Variants in AK9 observed in about 807,000 individuals in gnomAD.
AK9 encodes adenylate kinase domain containing 1.
A neutral mutation model predicts 239.6 loss-of-function variants in AK9; 191 were observed. That is an observed-to-expected ratio of 0.80 (90% CI 0.71 to 0.90). The LOEUF (loss-of-function observed/expected upper bound fraction) is 0.90. Among genes scored for constraint, AK9 ranks in the 40% least tolerant of loss-of-function variants. The probability of loss-of-function intolerance (pLI) is 0.00; values close to 1 mark genes in which losing one functional copy is unlikely to be tolerated. For missense variants in AK9, 1,995 were observed against 2,214.7 expected (o/e 0.90, Z 1.99); for synonymous variants, 689 against 721.0 (o/e 0.96, Z 0.71).
chr6:109,613,900 T>C (rs1241740749), intron 15 of AK9, among the ~76,000 whole-genome samples: 3 of 152,086 alleles, frequency 2.0e-5, no homozygotes, highest in African/African-American at 4.8e-5. Flanking sequence ...TTAAAAAGAA[T>C]TTATGATATG....
rs118097493 is a variant in AK9 at position 109,555,973 on chromosome 6, T to G, written c.2752-5671A>C. On this transcript the variant is annotated intron_variant, in intron 24 of 40. Coordinates refer to ENST00000424296, the MANE Select transcript of AK9 (RefSeq NM_001145128.3). Reference sequence around the variant, plus strand: ...TGGTTCTTTATCTAGCTTGCCATTCTGTACATTTGAATTGGGGCATTTAGC... The same window carrying G: ...TGGTTCTTTATCTAGCTTGCCATTCGGTACATTTGAATTGGGGCATTTAGC... Among the ~76,000 whole-genome samples the G allele has an allele frequency of 4.9e-3, 748 of 152,360 alleles. 2 individuals carry two copies. The highest frequency in any genetic ancestry group is 9.0e-3 in the Admixed American group (138 of 15,306).
intron 17 of AK9, among the ~76,000 whole-genome samples, chr6:109,607,571 A>G (rs1793044070): frequency 6.6e-6 from 1 of 152,184 alleles, no homozygotes; most frequent in South Asian, 2.1e-4. Context: ...TATACAAGGA[A>G]CTTGAACATT....
chr6:109,629,500 T>C (rs1027986008), intron 12 of AK9, among the ~76,000 whole-genome samples: 1 of 152,168 alleles, frequency 6.6e-6, no homozygotes. Context: ...TGAGGAAGTT[T>C]TTCTAAACAC....
intron 15 of AK9, 109 bp from the exon 16 acceptor site, chr6:109,612,202 A>T: frequency 3.2e-6 from 2 of 629,626 alleles, no homozygotes; most frequent in Non-Finnish European, 5.4e-6. Context: ...CACATTCCCA[A>T]TTTTTAATTA....
chr6:109,622,011 CTAGTT>C (rs1272307550), intron 12 of AK9, among the ~76,000 whole-genome samples: 19 of 143,634 alleles, frequency 1.3e-4, no homozygotes, highest in Admixed American at 4.9e-4. Flanking sequence ...TCATCATAGC[CTAGTT>C]TATAGTTGCA....
At chr6:109,656,926 G>T in intron 7 of AK9, 42 bp from the exon 8 acceptor site, 2 of 1,602,662 alleles carry the variant, frequency 1.2e-6, no homozygotes, top group South Asian at 2.2e-5. Flanking sequence ...TTAGGTCAAT[G>T]ACTATTCAAT....
chr6:109,642,212 G>A (rs569337871), intron 9 of AK9, among the ~76,000 whole-genome samples: 2 of 152,282 alleles, frequency 1.3e-5, no homozygotes, highest in African/African-American at 2.4e-5. Context: ...AACTGTGAGA[G>A]AATAAATATC....
intron 20 of AK9, 136 bp from the exon 21 acceptor site, chr6:109,573,730 G>A: frequency 1.3e-6 from 1 of 794,510 alleles, no homozygotes; most frequent in African/African-American, 1.8e-5. Context: ...TAATGGGGGA[G>A]ATAGAAAAAT....
In AK9 at chr6:109,516,522, C is replaced by A; in HGVS notation, c.3754G>T (p.Asp1252Tyr). The change falls in exon 30 of 41, where the codon GAT becomes TAT. Residue 1252 changes from aspartate to tyrosine, a missense_variant. Around this residue, in one of 5 missense-constraint regions of AK9, gnomAD observed 1,290 missense variants for 1,392.7 expected, o/e 0.93. Coordinates refer to ENST00000424296, the MANE Select transcript of AK9 (RefSeq NM_001145128.3). ...ATTGCATCAGTTTCCTGTTCTTCATCTTCCTCGCCACTCATCTCTTCCTCA... is the reference window on the plus strand; with the variant it reads ...ATTGCATCAGTTTCCTGTTCTTCATATTCCTCGCCACTCATCTCTTCCTCA... ...KDEEEMSGEE[D>Y]EEQETDAIER... 1 of 1,551,766 alleles carries A rather than the reference C, an allele frequency of 6.4e-7. No individual in the cohort carries two copies.
chr6:109,547,411 T>A (rs1783704057), intron 25 of AK9, among the ~76,000 whole-genome samples: 1 of 152,172 alleles, frequency 6.6e-6, no homozygotes. Context: ...TATAGCCAAC[T>A]CATTTTCTAC....
intron 1 of AK9, 60 bp from the exon 2 acceptor site, chr6:109,675,816 G>C: frequency 2.1e-6 from 2 of 946,026 alleles, no homozygotes; most frequent in Non-Finnish European, 3.2e-6. Context: ...AGGTGACTAG[G>C]AACAATTGAA....
intron 15 of AK9, 77 bp downstream of exon 15, chr6:109,614,106 T>TA: frequency 7.2e-7 from 1 of 1,390,812 alleles, no homozygotes; most frequent in East Asian, 2.5e-5. Flanking sequence ...ATTTTAAGCA[T>TA]AAATATAAAC....
At chr6:109,670,258 A>G (rs1199687791) in intron 5 of AK9, among the ~76,000 whole-genome samples, 1 of 152,248 alleles carries the variant, frequency 6.6e-6, no homozygotes, top group Non-Finnish European at 1.5e-5. Flanking sequence ...CTAGTAGATG[A>G]TATCAAGGAA....
chr6:109,608,679 C>T (rs1007493048), intron 17 of AK9, among the ~76,000 whole-genome samples: 4 of 151,916 alleles, frequency 2.6e-5, no homozygotes, highest in Non-Finnish European at 4.4e-5. Flanking sequence ...ATTTCTGAAA[C>T]GGAACATGAA....
At chr6:109,618,490 C>T (rs917460978) in intron 13 of AK9, among the ~76,000 whole-genome samples, 1 of 150,870 alleles carries the variant, frequency 6.6e-6, no homozygotes, top group African/African-American at 2.4e-5. Context: ...CAGTGAGACA[C>T]AGGAAGAGGC....
intron 8 of AK9, among the ~76,000 whole-genome samples, chr6:109,652,970 C>A (rs921111581): frequency 6.6e-6 from 1 of 152,090 alleles, no homozygotes; most frequent in Admixed American, 6.5e-5. Flanking sequence ...CACTGTCACC[C>A]AGGCTGGACT....
At chr6:109,613,481 G>A (rs1273099130) in intron 15 of AK9, among the ~76,000 whole-genome samples, 1 of 151,790 alleles carries the variant, frequency 6.6e-6, no homozygotes, top group Non-Finnish European at 1.5e-5. Flanking sequence ...ATATTACTGG[G>A]GAAACATAAT....
chr6:109,630,901 T>A (rs1796033335), intron 12 of AK9, among the ~76,000 whole-genome samples: 1 of 151,780 alleles, frequency 6.6e-6, no homozygotes, highest in South Asian at 2.1e-4. Flanking sequence ...GACACACATA[T>A]GTATAAAAAC....
At chr6:109,503,922 C>G (rs1777848970) in intron 35 of AK9, among the ~76,000 whole-genome samples, 1 of 152,170 alleles carries the variant, frequency 6.6e-6, no homozygotes. Flanking sequence ...TTTGAAGGTC[C>G]CTCCCAGCAC....
Sources: gnomAD v4.1 joint callset for allele counts (sites outside exome capture counted in the v4.1 genomes callset) on GRCh38, gnomAD v4.1.1 for gene constraint, gnomAD v4.1.1 regional missense constraint, MANE v1.5 for transcripts, NCBI Gene and HGNC (gene_info 2026-07-23, HGNC 2026-07-21) for gene names.